GABRA5: variants seen among roughly 807,000 people sequenced by gnomAD.
GABRA5 encodes gamma-aminobutyric acid type A receptor subunit alpha5, also known as gamma-aminobutyric acid receptor subunit alpha-5.
GABRA5 carries 18 observed loss-of-function variants against 47.3 expected under a neutral mutation model. That is an observed-to-expected ratio of 0.38 (90% confidence interval 0.26 to 0.56). GABRA5 has a LOEUF of 0.56. Among genes scored for constraint, GABRA5 ranks in the 20% least tolerant of loss-of-function variants. The pLI is 0.71. For missense variants in GABRA5, 365 were observed against 599.3 expected, an observed-to-expected ratio of 0.61 and a Z score of 4.08; for synonymous variants, 237 against 229.3, an observed-to-expected ratio of 1.03 and a Z score of -0.30.
At chr15:26,881,402 A>G (rs931332610) in intron 4 of GABRA5, among the ~76,000 whole-genome samples, 2 of 152,188 alleles carry the variant, frequency 1.3e-5, no homozygotes, top group Non-Finnish European at 2.9e-5. Context: ...CCACTGTGGA[A>G]TGCAGTCATC....
chr15:26,937,044 C>G, intron 7 of GABRA5, 141 bp from the exon 8 acceptor site: 1 of 979,102 alleles, frequency 1.0e-6, no homozygotes, highest in Non-Finnish European at 1.6e-6. Context: ...GTCCAACCAC[C>G]CTATGCATTT....
chr15:26,893,560 G>C (rs1893094971), intron 6 of GABRA5, among the ~76,000 whole-genome samples: 1 of 151,634 alleles, frequency 6.6e-6, no homozygotes, highest in South Asian at 2.1e-4. Flanking sequence ...GCAGCTGGTC[G>C]GGCTGCCTAG....
intron 6 of GABRA5, among the ~76,000 whole-genome samples, chr15:26,904,526 C>T (rs8038477): frequency 0.51 from 77,870 of 151,930 alleles, 20,104 homozygotes; most frequent in Middle Eastern, 0.56. Context: ...TGATAGGATA[C>T]AGCATTGAAT....
chr15:26,930,848 C>CT (rs1011041830), intron 7 of GABRA5, among the ~76,000 whole-genome samples: 4 of 150,524 alleles, frequency 2.7e-5, no homozygotes, highest in African/African-American at 4.9e-5. Context: ...CAATTTCTTT[C>CT]TTTTTTTTCT....
chr15:26,934,595 T>G (rs547928430), intron 7 of GABRA5, among the ~76,000 whole-genome samples: 2 of 152,300 alleles, frequency 1.3e-5, no homozygotes, highest in East Asian at 3.9e-4. Context: ...GTGAGTCAGG[T>G]GCGTGCTAAA....
At chr15:26,900,505 G>A (rs961400705) in intron 6 of GABRA5, among the ~76,000 whole-genome samples, 11 of 151,988 alleles carry the variant, frequency 7.2e-5, no homozygotes, top group Non-Finnish European at 1.0e-4. Flanking sequence ...TTATAGCAAC[G>A]AACTCCCTCA....
chr15:26,934,463 G>T (rs1894188181), intron 7 of GABRA5, among the ~76,000 whole-genome samples: 1 of 152,148 alleles, frequency 6.6e-6, no homozygotes, highest in African/African-American at 2.4e-5. Context: ...AACTGAGTTT[G>T]CTTTGGACCA....
At chr15:26,930,715 T>C (rs1171426691) in intron 7 of GABRA5, among the ~76,000 whole-genome samples, 1 of 152,194 alleles carries the variant, frequency 6.6e-6, no homozygotes, top group East Asian at 1.9e-4. Flanking sequence ...CTTTAAACAG[T>C]CCATTCATGA....
chr15:26,947,903 C>G, intron 10 of GABRA5, 31 bp from the exon 11 acceptor site: 1 of 1,536,208 alleles, frequency 6.5e-7, no homozygotes. Context: ...CTGCAAATGG[C>G]GTGTCCTTAC....
intron 3 of GABRA5, among the ~76,000 whole-genome samples, chr15:26,877,492 C>G (rs1354534958): frequency 6.6e-6 from 1 of 152,172 alleles, no homozygotes; most frequent in East Asian, 1.9e-4. Flanking sequence ...CAGCTTAAAA[C>G]AAGCCCAGTT....
At chr15:26,937,050 C>T in intron 7 of GABRA5, 135 bp from the exon 8 acceptor site, 1 of 1,039,510 alleles carries the variant, frequency 9.6e-7, no homozygotes. Context: ...CCACCCTATG[C>T]ATTTTTTAGG....
At chr15:26,871,118 C>T (rs748781351) in intron 3 of GABRA5, among the ~76,000 whole-genome samples, 5 of 152,134 alleles carry the variant, frequency 3.3e-5, no homozygotes, top group East Asian at 1.9e-4. Flanking sequence ...CGCTTGAACC[C>T]GGGAGGTGGA....
chr15:26,869,550 G>A (rs1025708636), intron 3 of GABRA5, among the ~76,000 whole-genome samples: 1 of 152,100 alleles, frequency 6.6e-6, no homozygotes, highest in Non-Finnish European at 1.5e-5. Context: ...AAGTGAGTCA[G>A]AGAAAAAAAG....
chr15:26,931,231 A>G (rs967367163), intron 7 of GABRA5, among the ~76,000 whole-genome samples: 2 of 152,156 alleles, frequency 1.3e-5, no homozygotes, highest in Admixed American at 6.5e-5. Flanking sequence ...TCAGTCTGCT[A>G]TAACAGAATA....
chr15:26,937,601 C>T (rs994229968), intron 8 of GABRA5, among the ~76,000 whole-genome samples: 5 of 152,200 alleles, frequency 3.3e-5, no homozygotes, highest in African/African-American at 1.2e-4. Flanking sequence ...ATAACACCCC[C>T]CTAAGCAGGA....
At position 26,948,065 on chromosome 15, in the gene GABRA5, C is replaced by T. The variant is rs1054303080; in HGVS notation, c.1221C>T (p.Pro407=). Residue 407 remains proline, a synonymous_variant, in exon 11 of 11, where the codon CCC becomes CCT. Transcript: ENST00000335625. The part of the protein sequence containing the change: ...TSNTTSVSVK[P]SEEKTSESKK... ...ATACAACCTCAGTCTCAGTAAAACC[C>T]TCTGAAGAGAAGACTTCTGAAAGCA... The T allele has an allele frequency of 2.5e-6, 4 of 1,610,046 alleles. No homozygotes were observed. The African/African-American group carries it at 5.3e-5, about 21-fold the overall frequency.
At chr15:26,890,428 T>A (rs1734639052) in intron 6 of GABRA5, among the ~76,000 whole-genome samples, 1 of 110,470 alleles carries the variant, frequency 9.1e-6, no homozygotes, top group Non-Finnish European at 1.9e-5. Flanking sequence ...TCACTTCAAT[T>A]TTTTTTTTTT....
intron 6 of GABRA5, among the ~76,000 whole-genome samples, chr15:26,903,501 T>C (rs1893372682): frequency 6.6e-6 from 1 of 152,192 alleles, no homozygotes; most frequent in South Asian, 2.1e-4. Flanking sequence ...CAATGATATT[T>C]CTGCCTCTAG....
chr15:26,913,888 G>T (rs1258587010), intron 6 of GABRA5, among the ~76,000 whole-genome samples: 1 of 152,132 alleles, frequency 6.6e-6, no homozygotes, highest in Non-Finnish European at 1.5e-5. Flanking sequence ...AGGCAGCCTG[G>T]GTGATTGTTA....
Sources: gnomAD v4.1 joint callset for allele counts (sites outside exome capture counted in the v4.1 genomes callset) on GRCh38, gnomAD v4.1.1 for gene constraint, MANE v1.5 for transcripts, NCBI Gene and HGNC (gene_info 2026-07-23, HGNC 2026-07-21) for gene names.